Variants in CD47 observed in about 807,000 individuals in gnomAD.
CD47 encodes the protein leukocyte surface antigen CD47.
In CD47, 11 loss-of-function variants were observed where a neutral mutation model predicts 44.6. The ratio of observed to expected loss-of-function variants is 0.25; its 90% CI spans 0.16 to 0.41. CD47 has a LOEUF of 0.41. Among genes scored for constraint, CD47 ranks in the 10% least tolerant of loss-of-function variants. The pLI is 1.00. For synonymous variants in CD47, 140 were observed against 136.3 expected (o/e 1.03, Z -0.19); for missense variants, 306 against 386.7 (o/e 0.79, Z 1.75).
At position 108,046,441 on chromosome 3, in the gene CD47, T is replaced by C. The variant is rs2078723621; in HGVS notation, c.*847A>G. On this transcript the variant is annotated 3_prime_UTR_variant, in exon 11 of 11. Coordinates refer to ENST00000361309, the MANE Select transcript of CD47 (RefSeq NM_001777.4). ...TTTTTGCTGAAAAGTGTGAACACAG[T>C]GCTCTGAGAACAAGTCTGGCTCCTT... 2 of 152,646 alleles carry C rather than the reference T, an allele frequency of 1.3e-5. No individual in the cohort carries two copies. Among genetic ancestry groups the C allele is most frequent in the African/African-American group, 2.4e-5 (1 of 41,444 alleles). The allele number at this position is 152,646 out of a possible 1,614,324, so 9.5% of individuals were successfully genotyped here. A position where few individuals can be genotyped will look rare whatever the true frequency, so the allele number is the denominator to read the frequency against.
Position 108,045,025 on chromosome 3 carries a change from C to T in CD47, c.*2263G>A, listed in dbSNP as rs2078700455. The T allele has an allele frequency of 6.6e-6, 1 of 152,590 alleles. No homozygotes were observed. Among genetic ancestry groups the T allele is most frequent in the Non-Finnish European group, 1.5e-5 (1 of 68,032 alleles). The allele number at this position is 152,590 out of a possible 1,614,324, so 9.5% of individuals were successfully genotyped here. ...GAGAAGGAACTGGCCCAATGATGCC[C>T]AAGCAGGAGGACTCCTGCTTCTGTG... On this transcript the variant is annotated 3_prime_UTR_variant, in exon 11 of 11. Coordinates refer to ENST00000361309, the MANE Select transcript of CD47 (RefSeq NM_001777.4).
At chr3:108,083,733 CTTT>C (rs2079461565) in intron 1 of CD47, among the ~76,000 whole-genome samples, 2 of 151,950 alleles carry the variant, frequency 1.3e-5, no homozygotes, top group Non-Finnish European at 2.9e-5. Flanking sequence ...ATGTTCGCTT[CTTT>C]TTAACAACTC....
rs869104856 is a variant in CD47, at chr3:108,044,448, C to CAA, written c.*2838_*2839dup. The stretch of plus-strand genomic sequence containing the variant: ...AAAAAAAAAAAAAAAAAAAAAAAAA[C>CAA]AAAAAAAAAAAACAGAAAGAAAGAA... On this transcript the variant is annotated 3_prime_UTR_variant, in exon 11 of 11. Transcript: ENST00000361309. 1.7e-5 allele frequency: 1 copy of CAA among 60,206 alleles called. No homozygotes were observed. The highest frequency in any genetic ancestry group is 5.4e-5 in the African/African-American group (1 of 18,546). The allele number at this position is 60,206 out of a possible 1,614,324, so 3.7% of individuals were successfully genotyped here.
At chr3:108,076,277 G>A (rs1268202176) in intron 2 of CD47, among the ~76,000 whole-genome samples, 1 of 152,162 alleles carries the variant, frequency 6.6e-6, no homozygotes, top group Non-Finnish European at 1.5e-5. Context: ...ATTATAAACA[G>A]ACCATATGTC....
chr3:108,088,166 A>C (rs1224112076), intron 1 of CD47, among the ~76,000 whole-genome samples: 1 of 152,252 alleles, frequency 6.6e-6, no homozygotes, highest in Non-Finnish European at 1.5e-5. Context: ...AAAGAACATT[A>C]CTATATTAAA....
chr3:108,043,138 C>T lies in CD47; in HGVS notation c.*4150G>A, dbSNP rs1213520056. ...ATTAAAACTCTGCTCTAATTAAAAG[C>T]TTATTGGGTATTATACTCAAAAAAT... is the stretch of plus-strand genomic sequence containing the variant. On this transcript the variant is annotated 3_prime_UTR_variant, in exon 11 of 11. Transcript: ENST00000361309. 6.6e-6 allele frequency: 1 copy of T among 152,510 alleles called. No individual in the cohort carries two copies. The highest frequency in any genetic ancestry group is 1.5e-5 in the Non-Finnish European group (1 of 68,020). 9.4% of individuals were successfully genotyped at this position (152,510 alleles called of 1,614,324 possible).
chr3:108,075,682 T>C (rs2079297708), intron 2 of CD47, among the ~76,000 whole-genome samples: 1 of 152,180 alleles, frequency 6.6e-6, no homozygotes, highest in Non-Finnish European at 1.5e-5. Flanking sequence ...GGACTGTGAA[T>C]GTATTGGATT....
Position 108,057,339 on chromosome 3 carries a change from C to T in CD47, c.877+138G>A, listed in dbSNP as rs1032821051. 2.2e-5 allele frequency: 12 copies of T among 533,452 alleles called. No individual in the cohort carries two copies. In the East Asian group the frequency reaches 3.6e-4, roughly 16 times the overall value. 33.0% of individuals were successfully genotyped at this position (533,452 alleles called of 1,614,324 possible). ...CTAAAAATCCTATATGTCTTCTACC[C>T]TCTTTAATTATCCTCGAATCACTCC... On this transcript the variant is annotated intron_variant, in intron 7 of 10. Coordinates refer to ENST00000361309, the MANE Select transcript of CD47 (RefSeq NM_001777.4).
rs1441483365 is a variant in CD47, at chr3:108,043,294, C to A, written c.*3994G>T. 6.6e-6 allele frequency: 1 copy of A among 152,086 alleles called. No individual in the cohort carries two copies. The highest frequency in any genetic ancestry group is 1.5e-5 in the Non-Finnish European group (1 of 67,972). 9.4% of individuals were successfully genotyped at this position (152,086 alleles called of 1,614,324 possible). On this transcript the variant is annotated 3_prime_UTR_variant, in exon 11 of 11. Coordinates refer to ENST00000361309, the MANE Select transcript of CD47 (RefSeq NM_001777.4). ...TGTAGCAGCAATAGAAATAGCCCAA[C>A]AAAATAGCTTAAAATGTTTTATTAA...
intron 10 of CD47, among the ~76,000 whole-genome samples, chr3:108,047,893 A>G (rs896115362): frequency 6.6e-5 from 10 of 152,234 alleles, no homozygotes; most frequent in Middle Eastern, 3.2e-3. Flanking sequence ...CTGTTTTACA[A>G]TATTTCCTGA....
chr3:108,067,557 G>A (rs572235780), intron 3 of CD47, among the ~76,000 whole-genome samples: 8 of 152,322 alleles, frequency 5.3e-5, no homozygotes, highest in Admixed American at 4.6e-4. Flanking sequence ...TTAATTGTCA[G>A]TAGAGTGGCA....
At chr3:108,087,213 G>C (rs1380742640) in intron 1 of CD47, among the ~76,000 whole-genome samples, 2 of 152,064 alleles carry the variant, frequency 1.3e-5, no homozygotes, top group African/African-American at 2.4e-5. Context: ...TGAAGAACTG[G>C]AGTCTCTAGC....
intron 3 of CD47, among the ~76,000 whole-genome samples, chr3:108,064,641 C>G (rs924759722): frequency 3.3e-5 from 5 of 152,138 alleles, no homozygotes; most frequent in Admixed American, 3.3e-4. Flanking sequence ...AGACTGCAGT[C>G]CATCCAACAA....
intron 4 of CD47, among the ~76,000 whole-genome samples, chr3:108,059,965 C>T (rs2078982635): frequency 6.6e-6 from 1 of 152,200 alleles, no homozygotes; most frequent in African/African-American, 2.4e-5. Context: ...CTAAATATTA[C>T]ACCTGCACTG....
chr3:108,088,425 T>TA (rs1242120318), intron 1 of CD47, among the ~76,000 whole-genome samples: 1 of 152,190 alleles, frequency 6.6e-6, no homozygotes, highest in Admixed American at 6.5e-5. Flanking sequence ...TGTAATGCTT[T>TA]AAAAAACACT....
Position 108,059,502 on chromosome 3 carries a change from A to C in CD47, c.641T>G (p.Val214Gly), listed in dbSNP as rs377664351. 17 of 1,529,456 alleles carry C rather than the reference A, an allele frequency of 1.1e-5. No individual in the cohort carries two copies. Among genetic ancestry groups the C allele is most frequent in the African/African-American group, 2.8e-5 (2 of 70,650 alleles). 94.7% of individuals were successfully genotyped at this position (1,529,456 alleles called of 1,614,324 possible). Reference sequence around the variant, plus strand: ...TAATATTAATATCCCTGTAGAAGTCACAATTAAACCAAGGCCAGTAGCATT... The same window carrying C: ...TAATATTAATATCCCTGTAGAAGTCCCAATTAAACCAAGGCCAGTAGCATT... ...LKNATGLGLI[V>G]TSTGILILLH... is the part of the protein sequence containing the mutation. The change falls in exon 5 of 11, where the codon GTG becomes GGG. Residue 214 changes from valine to glycine, a missense_variant. Physicochemically the swap from Val to Gly is moderately radical, Grantham distance 109. Coordinates refer to ENST00000361309, the MANE Select transcript of CD47 (RefSeq NM_001777.4).
intron 3 of CD47, among the ~76,000 whole-genome samples, chr3:108,066,361 A>T (rs2079106053): frequency 6.6e-6 from 1 of 152,250 alleles, no homozygotes; most frequent in African/African-American, 2.4e-5. Flanking sequence ...TGGTTTAATC[A>T]AATAAATCCC....
chr3:108,060,976 C>G, intron 3 of CD47, 124 bp from the exon 4 acceptor site: 2 of 625,426 alleles, frequency 3.2e-6, no homozygotes, highest in South Asian at 3.8e-5. Context: ...AGGAACAACT[C>G]CTTAATATCA....
chr3:108,072,853 A>G lies in CD47; in HGVS notation c.401-1671T>C, dbSNP rs77698575. 6.2e-3 allele frequency among the ~76,000 whole-genome samples: 949 copies of G among 152,128 alleles called. 10 individuals are homozygous for G. Among genetic ancestry groups the G allele is most frequent in the African/African-American group, 0.022 (913 of 41,480 alleles). The stretch of plus-strand genomic sequence containing the variant: ...GCTTTTGTTTTTAATTGTGTACCTC[A>G]ACTCCTCAAATCCTCACAATTATGA... On this transcript the variant is annotated intron_variant, in intron 2 of 10. Transcript: ENST00000361309.
Sources: gnomAD v4.1 joint callset for allele counts (sites outside exome capture counted in the v4.1 genomes callset) on GRCh38, gnomAD v4.1.1 for gene constraint, MANE v1.5 for transcripts, NCBI Gene and HGNC (gene_info 2026-07-23, HGNC 2026-07-21) for gene names.